Variants in DPCD observed in about 807,000 individuals in gnomAD.
DPCD encodes the protein deleted in primary ciliary dyskinesia homolog (mouse).
DPCD carries 20 observed loss-of-function variants against 26.4 expected under a neutral mutation model. The observed-to-expected ratio is 0.76, with a 90% confidence interval of 0.53 to 1.10. The LOEUF (loss-of-function observed/expected upper bound fraction) is 1.10. DPCD is among the 50% of genes least tolerant of loss of function. DPCD has a pLI of 0.00. For missense variants in DPCD, 202 were observed against 253.9 expected, an observed-to-expected ratio of 0.80 and a Z score of 1.39; for synonymous variants, 97 against 94.2, an observed-to-expected ratio of 1.03 and a Z score of -0.17.
At chr10:101,588,711 C>G in intron 1 of DPCD, 1 of 1,086,988 alleles carries the variant, frequency 9.2e-7, no homozygotes. Flanking sequence ...AATTTTCACC[C>G]CGTTTTACAG....
intron 4 of DPCD, chr10:101,605,161 C>G (rs1182701822): frequency 6.4e-6 from 10 of 1,550,430 alleles, no homozygotes; most frequent in Non-Finnish European, 1.7e-6. Context: ...GGAGGCTTCT[C>G]TGGACCCCTC....
chr10:101,590,644 T>C (rs192915977), intron 1 of DPCD, among the ~76,000 whole-genome samples: 1 of 150,396 alleles, frequency 6.6e-6, no homozygotes, highest in Non-Finnish European at 1.5e-5. Flanking sequence ...TGGGGTACGA[T>C]CATAGCTCAC....
intron 4 of DPCD, among the ~76,000 whole-genome samples, chr10:101,605,958 A>G (rs2134780576): frequency 6.6e-6 from 1 of 152,278 alleles, no homozygotes; most frequent in East Asian, 1.9e-4. Flanking sequence ...AACCTGAGAG[A>G]GTTGTTTTGA....
intron 2 of DPCD, 22 bp downstream of exon 2, chr10:101,594,760 T>A: frequency 2.5e-6 from 4 of 1,610,064 alleles, no homozygotes; most frequent in Non-Finnish European, 3.4e-6. Flanking sequence ...AGGCTCCCAG[T>A]GGGCCTTTAG....
Position 101,600,998 on chromosome 10 carries a change from A to G in DPCD, c.270+136A>G, listed in dbSNP as rs1554922014. The G allele has an allele frequency of 4.8e-5, 71 of 1,491,268 alleles. No homozygotes were observed. Among genetic ancestry groups the G allele is most frequent in the Non-Finnish European group, 4.5e-6 (5 of 1,109,940 alleles). The allele number at this position is 1,491,268 out of a possible 1,614,324, so 92.4% of individuals were successfully genotyped here. On this transcript the variant is annotated intron_variant, in intron 3 of 5. Coordinates refer to ENST00000370151, the MANE Select transcript of DPCD (RefSeq NM_015448.3). This position sits in a 1 kb window ranked among gnomAD's most constrained non-coding sequence, Gnocchi z 4.7. ...GCCACCTGGACACAGCACTCTATAAATGTTTGTTTGAATGAATACAGACAT... is the reference window on the plus strand; with the variant it reads ...GCCACCTGGACACAGCACTCTATAAGTGTTTGTTTGAATGAATACAGACAT...
At chr10:101,604,794 T>G (rs1210115940) in intron 4 of DPCD, among the ~76,000 whole-genome samples, 5 of 152,136 alleles carry the variant, frequency 3.3e-5, no homozygotes, top group African/African-American at 4.8e-5. Flanking sequence ...TCACAGATTT[T>G]GGGGAATTTG....
In DPCD at chr10:101,601,306, G is replaced by A. The variant is rs757346528; in HGVS notation, c.374G>A (p.Arg125His). The change falls in exon 4 of 6, where the codon CGC (arginine) becomes CAC (histidine). Residue 125 changes from arginine to histidine, a missense_variant. Physicochemically the swap from Arg to His is conservative, Grantham distance 29. Around this residue, in one of 3 missense-constraint regions of DPCD, gnomAD observed 118 missense variants for 145.1 expected, o/e 0.81. Coordinates refer to ENST00000370151, the MANE Select transcript of DPCD (RefSeq NM_015448.3). ...AGTGTCTCTGTGGACCAGAAGGAGC[G>A]CTGCATCATTGTCAGAACAACCAAC... ...VYSVSVDQKE[R>H]CIIVRTTNKK... 36 of 1,613,694 alleles carry A rather than the reference G, an allele frequency of 2.2e-5. No homozygotes were observed. The highest frequency in any genetic ancestry group is 3.3e-5 in the South Asian group (3 of 91,064).
chr10:101,605,095 C>T (rs2063724367), intron 4 of DPCD: 3 of 1,550,174 alleles, frequency 1.9e-6, no homozygotes, highest in Non-Finnish European at 2.6e-6. Flanking sequence ...CAAGTTTGCC[C>T]AGAGCCTTGA....
intron 2 of DPCD, among the ~76,000 whole-genome samples, chr10:101,599,427 T>C (rs2063676170): frequency 6.6e-6 from 1 of 152,254 alleles, no homozygotes; most frequent in Non-Finnish European, 1.5e-5. Flanking sequence ...TACTCTTCCT[T>C]ATTAATTTTC....
chr10:101,599,528 G>A (rs7899178), intron 2 of DPCD, among the ~76,000 whole-genome samples: 24,517 of 152,172 alleles, frequency 0.16, 2,411 homozygotes, highest in Middle Eastern at 0.23. Context: ...CCTTATAAAA[G>A]CACATATTTA....
chr10:101,594,750 AGGCTCCCAGTG>A lies in DPCD; in HGVS notation c.145+16_145+26del, dbSNP rs564537361. Reference sequence around the variant, plus strand: ...GAGTGAACTACTTGGTAAGTGACAGAGGCTCCCAGTGGGCCTTTAGTAATACTTGGGGCTGA... The same window carrying A: ...GAGTGAACTACTTGGTAAGTGACAGAGGCCTTTAGTAATACTTGGGGCTGA... On this transcript the variant is annotated intron_variant, in intron 2 of 5. Transcript: ENST00000370151. The A allele has an allele frequency of 1.7e-4, 276 of 1,613,642 alleles. No homozygotes were observed. In the African/African-American group the frequency reaches 3.2e-3, roughly 18 times the overall value.
chr10:101,594,174 C>T (rs1469371572), intron 1 of DPCD, among the ~76,000 whole-genome samples: 1 of 98,806 alleles, frequency 1.0e-5, no homozygotes, highest in Non-Finnish European at 2.5e-5. Context: ...ATGTCCTGAA[C>T]ACATAGAGAG....
rs1337258053 is a variant in DPCD at position 101,609,427 on chromosome 10, G to A, written c.568G>A (p.Val190Met). 31 of 1,614,030 alleles carry A rather than the reference G, an allele frequency of 1.9e-5. No individual in the cohort carries two copies. The Admixed American group carries it at 5.2e-4, about 27-fold the overall frequency. ...TGAGCTACAGAAGGAACTAAAGAAG[G>A]TGAAGACAGCCCACAGCAACGATGG... ...ESELQKELKKVKTAHSNDGDC... is the reference protein window; with the variant it reads ...ESELQKELKKMKTAHSNDGDC... The change falls in exon 6 of 6, where the codon GTG becomes ATG. Residue 190 changes from valine (V) to methionine (M), a missense_variant. Physicochemically the swap from Val to Met is conservative, Grantham distance 21. This residue lies in a region of DPCD where 118 missense variants were observed against 145.1 expected (regional missense o/e 0.81). Transcript: ENST00000370151.
chr10:101,594,879 A>G (rs2063639370), intron 2 of DPCD, 141 bp downstream of exon 2: 2 of 740,862 alleles, frequency 2.7e-6, no homozygotes, highest in Admixed American at 2.5e-5. Context: ...TCGAGACAAC[A>G]ACGTTCCTGA....
At chr10:101,607,230 T>G (rs1211482731) in intron 4 of DPCD, among the ~76,000 whole-genome samples, 1 of 152,238 alleles carries the variant, frequency 6.6e-6, no homozygotes, top group African/African-American at 2.4e-5. Flanking sequence ...TAATCTCTGC[T>G]GTTTAACCTT....
chr10:101,596,369 C>T (rs1232221209), intron 2 of DPCD, among the ~76,000 whole-genome samples: 3 of 152,114 alleles, frequency 2.0e-5, no homozygotes, highest in African/African-American at 4.8e-5. Flanking sequence ...TCGTTAAAGC[C>T]CTATGAGGTA....
At chr10:101,602,836 C>A (rs553465520) in intron 4 of DPCD, among the ~76,000 whole-genome samples, 1 of 152,366 alleles carries the variant, frequency 6.6e-6, no homozygotes, top group East Asian at 1.9e-4. Flanking sequence ...CCAGAGGTCA[C>A]TGTCGAATAC....
At chr10:101,601,690 C>G (rs773750997) in intron 4 of DPCD, among the ~76,000 whole-genome samples, 2 of 151,780 alleles carry the variant, frequency 1.3e-5, no homozygotes, top group Non-Finnish European at 2.9e-5. Flanking sequence ...GGAGCCAGGC[C>G]TTGGTAAGGG....
At chr10:101,607,439 C>A (rs981446576) in intron 4 of DPCD, among the ~76,000 whole-genome samples, 1 of 152,168 alleles carries the variant, frequency 6.6e-6, no homozygotes, top group Non-Finnish European at 1.5e-5. Context: ...TCCCCCAGCC[C>A]CCACTCCTTT....
Sources: allele counts gnomAD v4.1 joint callset (sites outside exome capture counted in the v4.1 genomes callset), GRCh38; gene constraint gnomAD v4.1.1; regional missense constraint gnomAD v4.1.1; non-coding constraint Gnocchi (gnomAD v3.1); transcripts MANE v1.5; gene names NCBI Gene and HGNC (gene_info 2026-07-23, HGNC 2026-07-21).